UBL3: variants seen among roughly 807,000 people sequenced by gnomAD.
UBL3 encodes ubiquitin like 3, also known as ubiquitin-like protein 3.
In UBL3, 6 loss-of-function variants were observed where a neutral mutation model predicts 18.4. That is an observed-to-expected ratio of 0.33 (90% CI 0.18 to 0.64). UBL3 has a LOEUF of 0.64. Among genes scored for constraint, UBL3 ranks in the 30% least tolerant of loss-of-function variants. The probability of loss-of-function intolerance (pLI) is 0.76; values close to 1 mark genes in which losing one functional copy is unlikely to be tolerated. For missense variants in UBL3, 109 were observed against 142.9 expected, an observed-to-expected ratio of 0.76 and a Z score of 1.21; for synonymous variants, 49 against 46.6, an observed-to-expected ratio of 1.05 and a Z score of -0.21.
chr13:29,782,648 A>G (rs1383666488), intron 1 of UBL3, among the ~76,000 whole-genome samples: 2 of 152,192 alleles, frequency 1.3e-5, no homozygotes, highest in African/African-American at 4.8e-5. Flanking sequence ...AACTCACAGT[A>G]GAGTTTGAAA....
At position 29,772,168 on chromosome 13, in the gene UBL3, T is replaced by C. The variant is rs753791281; in HGVS notation, c.167A>G (p.Asn56Ser). ...TCCTTGATAAATAAGTCGTAGAATA[T>C]TTGGACTGCTGACCTGCTCTTCTTC... Reference protein sequence around the residue: ...DWEEEQVSSPNILRLIYQGRF... With the variant: ...DWEEEQVSSPSILRLIYQGRF... The change falls in exon 3 of 5, where the codon AAT becomes AGT. Residue 56 changes from asparagine (N) to serine (S), a missense_variant. Transcript: ENST00000380680. 28 of 1,612,044 alleles carry C rather than the reference T, an allele frequency of 1.7e-5. No homozygotes were observed. The highest frequency in any genetic ancestry group is 1.6e-4 in the Middle Eastern group (1 of 6,078).
At chr13:29,775,285 T>C (rs1326721835) in intron 2 of UBL3, among the ~76,000 whole-genome samples, 1 of 152,206 alleles carries the variant, frequency 6.6e-6, no homozygotes, top group Non-Finnish European at 1.5e-5. Context: ...ATAAAGAGTT[T>C]TAACTGGGTT....
intron 1 of UBL3, among the ~76,000 whole-genome samples, chr13:29,829,404 C>A (rs1038731104): frequency 1.3e-5 from 2 of 152,266 alleles, no homozygotes; most frequent in Non-Finnish European, 2.9e-5. Flanking sequence ...GCCCCTCCCC[C>A]AGCCTCGCTG....
intron 1 of UBL3, among the ~76,000 whole-genome samples, chr13:29,790,096 T>A (rs1877443405): frequency 6.6e-6 from 1 of 152,168 alleles, no homozygotes; most frequent in African/African-American, 2.4e-5. Flanking sequence ...ATGTATGACT[T>A]CACCCTATGA....
intron 1 of UBL3, among the ~76,000 whole-genome samples, chr13:29,836,759 A>G (rs1878971520): frequency 6.6e-6 from 1 of 152,176 alleles, no homozygotes; most frequent in Non-Finnish European, 1.5e-5. Context: ...AATAAAAAGG[A>G]ACCTCAAAGA....
intron 1 of UBL3, among the ~76,000 whole-genome samples, chr13:29,780,364 A>AAAAT (rs1877116412): frequency 1.4e-4 from 12 of 86,114 alleles, no homozygotes; most frequent in Admixed American, 1.3e-3. Flanking sequence ...AAAAAAAAAA[A>AAAAT]AAAATATATA....
chr13:29,779,225 A>G (rs1459883596), intron 1 of UBL3: 1 of 507,888 alleles, frequency 2.0e-6, no homozygotes, highest in Admixed American at 2.0e-5. Context: ...GCAACACAAT[A>G]TGAATTTCAG....
At chr13:29,781,596 G>C (rs898968748) in intron 1 of UBL3, among the ~76,000 whole-genome samples, 2 of 152,008 alleles carry the variant, frequency 1.3e-5, no homozygotes, top group African/African-American at 2.4e-5. Flanking sequence ...GGGGAACGCT[G>C]ATAATAGGGG....
chr13:29,840,605 T>C (rs769712439), intron 1 of UBL3, among the ~76,000 whole-genome samples: 26 of 152,168 alleles, frequency 1.7e-4, no homozygotes, highest in Non-Finnish European at 2.8e-4. Context: ...TTGAGTAATG[T>C]AAAATTAAAA....
At chr13:29,841,209 T>C (rs899875935) in intron 1 of UBL3, among the ~76,000 whole-genome samples, 2 of 152,000 alleles carry the variant, frequency 1.3e-5, no homozygotes, top group Admixed American at 1.3e-4. Context: ...TACCCAAATA[T>C]ATATTTACTT....
At chr13:29,820,075 C>A (rs1380119193) in intron 1 of UBL3, among the ~76,000 whole-genome samples, 1 of 150,764 alleles carries the variant, frequency 6.6e-6, no homozygotes, top group African/African-American at 2.4e-5. Flanking sequence ...TGGAAAGAAG[C>A]TTCTCTAATG....
chr13:29,846,568 A>G (rs2139372427), intron 1 of UBL3, among the ~76,000 whole-genome samples: 1 of 152,286 alleles, frequency 6.6e-6, no homozygotes, highest in African/African-American at 2.4e-5. Flanking sequence ...AAGCTAAAAA[A>G]TCTATTTTAA....
intron 1 of UBL3, among the ~76,000 whole-genome samples, chr13:29,816,352 A>G (rs1878280789): frequency 6.6e-6 from 1 of 152,166 alleles, no homozygotes; most frequent in South Asian, 2.1e-4. Flanking sequence ...AACAATAAGG[A>G]ATTTTTACCA....
At chr13:29,828,988 C>T (rs1017508415) in intron 1 of UBL3, among the ~76,000 whole-genome samples, 26 of 152,302 alleles carry the variant, frequency 1.7e-4, no homozygotes, top group African/African-American at 5.5e-4. Flanking sequence ...TGCAGAACAG[C>T]GAATATTGCT....
chr13:29,823,836 TC>T (rs1450577083), intron 1 of UBL3, among the ~76,000 whole-genome samples: 1 of 151,758 alleles, frequency 6.6e-6, no homozygotes, highest in Non-Finnish European at 1.5e-5. Context: ...TAGGTGTATC[TC>T]CTAATGCTAT....
chr13:29,848,513 AATC>A (rs1373159435), intron 1 of UBL3, among the ~76,000 whole-genome samples: 1 of 152,130 alleles, frequency 6.6e-6, no homozygotes, highest in Non-Finnish European at 1.5e-5. Context: ...AATAAAATTT[AATC>A]ATCAGCAAAG....
chr13:29,848,777 C>T (rs979368638), intron 1 of UBL3, among the ~76,000 whole-genome samples: 3 of 152,144 alleles, frequency 2.0e-5, no homozygotes, highest in Admixed American at 6.5e-5. Context: ...CAAAGAAAGG[C>T]GTCAATAAAC....
At chr13:29,833,794 T>C (rs369239838) in intron 1 of UBL3, among the ~76,000 whole-genome samples, 18 of 152,220 alleles carry the variant, frequency 1.2e-4, no homozygotes, top group African/African-American at 4.3e-4. Context: ...TATTTAAATG[T>C]AAACTCTATT....
intron 1 of UBL3, among the ~76,000 whole-genome samples, chr13:29,794,661 T>C (rs17502694): frequency 0.13 from 20,531 of 152,274 alleles, 1,580 homozygotes; most frequent in Non-Finnish European, 0.18. Flanking sequence ...TAGTTTAGAC[T>C]CTTATGACTA....
Sources: gnomAD v4.1 joint callset for allele counts (sites outside exome capture counted in the v4.1 genomes callset) on GRCh38, gnomAD v4.1.1 for gene constraint, MANE v1.5 for transcripts, NCBI Gene and HGNC (gene_info 2026-07-23, HGNC 2026-07-21) for gene names.